The following CELF2 variants were observed in gnomAD, a reference collection of about 807,000 sequenced individuals.
The protein encoded by CELF2 is CUG triplet repeat RNA-binding protein 2.
A neutral mutation model predicts 62.6 loss-of-function variants in CELF2; 8 were observed. The observed-to-expected ratio is 0.13, with a 90% CI of 0.07 to 0.23. CELF2 has a LOEUF of 0.23. CELF2 is among the 10% of genes least tolerant of loss of function. The pLI is 1.00. For synonymous variants in CELF2, 258 were observed against 250.0 expected (o/e 1.03, Z -0.30); for missense variants, 333 against 671.0 (o/e 0.50, Z 5.56).
the CELF2 span, among the ~76,000 whole-genome samples, chr10:10,530,410 T>C: frequency 2.6e-5 from 4 of 152,238 alleles, no homozygotes; most frequent in African/African-American, 9.6e-5. Flanking sequence ...TACTGAAATA[T>C]TAGGACACTC....
At chr10:11,196,831 C>T (rs970984946) in intron 2 of CELF2, among the ~76,000 whole-genome samples, 2 of 151,144 alleles carry the variant, frequency 1.3e-5, no homozygotes, top group African/African-American at 2.4e-5. Context: ...GTGGCGCATG[C>T]GCTTGTAATC....
chr10:11,165,776 G>C lies in CELF2; in HGVS notation c.271+94G>C, dbSNP rs529967807. ...CCCCCAGCCTGCAGGAGGAAGGGCG[G>C]GTAGGCAGGAGGGCTGGAAGCAGCC... On this transcript the variant is annotated intron_variant, in intron 2 of 12. Transcript: ENST00000633077. This position sits in a 1 kb window ranked among gnomAD's most constrained non-coding sequence, Gnocchi z 7.4. 1.1e-4 allele frequency: 136 copies of C among 1,238,456 alleles called. No homozygotes were observed. In the African/African-American group the frequency reaches 1.9e-3, roughly 18 times the overall value. The allele number at this position is 1,238,456 out of a possible 1,614,324, so 76.7% of individuals were successfully genotyped here. A position where few individuals can be genotyped will look rare whatever the true frequency, so the allele number is the denominator to read the frequency against.
In CELF2 at chr10:11,058,769, TTTTTGTTTTG is replaced by T. The variant is rs543921917; in HGVS notation, c.74+40625_74+40634del. The stretch of plus-strand genomic sequence containing the variant: ...AGACATGACCCACCGCGCCCGGGCT[TTTTTGTTTTG>T]TTTTGTTTTGTTTTGTTTAGAGTTA... On this transcript the variant is annotated intron_variant, in intron 1 of 12. Coordinates refer to ENST00000633077, the MANE Select transcript of CELF2 (RefSeq NM_001326342.2). Among the ~76,000 whole-genome samples, 26 of 151,664 alleles carry T rather than the reference TTTTTGTTTTG, an allele frequency of 1.7e-4. No individual in the cohort carries two copies. The South Asian group carries it at 2.7e-3, about 16-fold the overall frequency.
In CELF2 at chr10:10,996,444, C is replaced by G. The variant is rs116600363; in HGVS notation, c.89+76445C>G. Reference sequence around the variant, plus strand: ...TAGGGTCTTCCTCTGTCCCCGCCTCCTTTCTCCGGGCATGTGCAGGCCCAT... The same window carrying G: ...TAGGGTCTTCCTCTGTCCCCGCCTCGTTTCTCCGGGCATGTGCAGGCCCAT... On this transcript the variant is annotated intron_variant, in intron 2 of 13. Coordinates refer to the CELF2 transcript ENST00000636488. 9.8e-3 allele frequency among the ~76,000 whole-genome samples: 1,493 copies of G among 152,286 alleles called. 14 individuals are homozygous for G. The highest frequency in any genetic ancestry group is 0.034 in the African/African-American group (1,395 of 41,572).
At chr10:10,819,143 C>T (rs531106070) in intron 1 of CELF2, among the ~76,000 whole-genome samples, 3 of 152,152 alleles carry the variant, frequency 2.0e-5, no homozygotes, top group Admixed American at 6.5e-5. Context: ...GGAATGATAG[C>T]TGTTCAGTAT....
At chr10:10,672,681 G>C in the CELF2 span, among the ~76,000 whole-genome samples, 1 of 151,852 alleles carries the variant, frequency 6.6e-6, no homozygotes, top group African/African-American at 2.4e-5. Flanking sequence ...CAATACTATA[G>C]AGTCTTCTTT....
chr10:10,514,935 A>G, the CELF2 span, among the ~76,000 whole-genome samples: 1 of 152,210 alleles, frequency 6.6e-6, no homozygotes, highest in African/African-American at 2.4e-5. Context: ...CATCAGTAAA[A>G]TTGGAATAAC....
chr10:11,291,938 A>G (rs2092583577), intron 9 of CELF2, among the ~76,000 whole-genome samples: 1 of 152,228 alleles, frequency 6.6e-6, no homozygotes, highest in Admixed American at 6.5e-5. Flanking sequence ...TATTGCATTC[A>G]CGTACCATGT....
At chr10:10,714,362 T>C in the CELF2 span, among the ~76,000 whole-genome samples, 3 of 152,194 alleles carry the variant, frequency 2.0e-5, no homozygotes, top group East Asian at 5.8e-4. Context: ...GTGCAATTAC[T>C]AGTATTGACC....
chr10:10,736,646 T>C, the CELF2 span, among the ~76,000 whole-genome samples: 2 of 152,024 alleles, frequency 1.3e-5, no homozygotes, highest in African/African-American at 4.8e-5. Flanking sequence ...ACAGTTCTTA[T>C]ATGGCAAGAT....
chr10:10,837,147 C>T (rs1336346751), intron 1 of CELF2, among the ~76,000 whole-genome samples: 1 of 152,196 alleles, frequency 6.6e-6, no homozygotes, highest in African/African-American at 2.4e-5. Flanking sequence ...TGAATTATAG[C>T]TCCCATCATT....
At chr10:10,861,554 A>T (rs1011928971) in intron 1 of CELF2, among the ~76,000 whole-genome samples, 2 of 152,168 alleles carry the variant, frequency 1.3e-5, no homozygotes, top group African/African-American at 4.8e-5. Flanking sequence ...ACAATTTCTC[A>T]GCTGTGAAAG....
Position 11,290,414 on chromosome 10 carries a change from G to A in CELF2, c.976+1862G>A, listed in dbSNP as rs1261241951. On this transcript the variant is annotated intron_variant, in intron 9 of 12. Coordinates refer to ENST00000633077, the MANE Select transcript of CELF2 (RefSeq NM_001326342.2). This position sits in a 1 kb window ranked among gnomAD's most constrained non-coding sequence, Gnocchi z 4.3. ...GGGGGCTCTGTGGTGGACCGCGTCC[G>A]TTCCAGCCCACGTTGGGAGGAGTGT... 3.9e-5 allele frequency among the ~76,000 whole-genome samples: 6 copies of A among 151,976 alleles called. No homozygotes were observed. Among genetic ancestry groups the A allele is most frequent in the East Asian group, 1.9e-4 (1 of 5,184 alleles).
chr10:10,695,021 T>C, the CELF2 span, among the ~76,000 whole-genome samples: 4 of 150,846 alleles, frequency 2.7e-5, no homozygotes. Context: ...AAGTTAATAT[T>C]GTTATGTGTG....
the CELF2 span, among the ~76,000 whole-genome samples, chr10:10,623,857 G>A: frequency 4.6e-5 from 7 of 152,152 alleles, no homozygotes; most frequent in Non-Finnish European, 7.3e-5. Flanking sequence ...TCAAGAAGTC[G>A]AGATGCAGAA....
At chr10:10,498,817 G>A in the CELF2 span, among the ~76,000 whole-genome samples, 1 of 152,116 alleles carries the variant, frequency 6.6e-6, no homozygotes, top group Admixed American at 6.6e-5. Context: ...GCAAAATAAT[G>A]GAAAACAATT....
chr10:11,310,833 G>A (rs1351068996), intron 9 of CELF2, among the ~76,000 whole-genome samples: 1 of 150,700 alleles, frequency 6.6e-6, no homozygotes, highest in African/African-American at 2.4e-5. Flanking sequence ...ACCCTAAAAT[G>A]TATAGTAAGA....
At chr10:10,579,600 C>T in the CELF2 span, among the ~76,000 whole-genome samples, 1 of 152,020 alleles carries the variant, frequency 6.6e-6, no homozygotes, top group African/African-American at 2.4e-5. Flanking sequence ...TAAAGTCTTC[C>T]CTCCACCTTG....
intron 2 of CELF2, among the ~76,000 whole-genome samples, chr10:10,944,743 A>T (rs2047460464): frequency 6.6e-6 from 1 of 152,050 alleles, no homozygotes; most frequent in East Asian, 1.9e-4. Flanking sequence ...CTGGGATTAC[A>T]GGTGTGCACC....
Sources: gnomAD v4.1 joint callset for allele counts (sites outside exome capture counted in the v4.1 genomes callset) on GRCh38, gnomAD v4.1.1 for gene constraint, Gnocchi (gnomAD v3.1) non-coding constraint, MANE v1.5 for transcripts, NCBI Gene and HGNC (gene_info 2026-07-23, HGNC 2026-07-21) for gene names.